CARS2: variants seen among roughly 807,000 people sequenced by gnomAD.
The protein encoded by CARS2 is cysteinyl-tRNA synthetase 2, mitochondrial.
In CARS2, 52 loss-of-function variants were observed where a neutral mutation model predicts 68.8. That is an observed-to-expected ratio of 0.76 (90% confidence interval 0.61 to 0.95). CARS2 has a LOEUF of 0.95. CARS2 is among the 40% of genes least tolerant of loss of function. The pLI, the probability that CARS2 is intolerant of heterozygous loss-of-function variation, is 0.00. For missense variants in CARS2, 780 were observed against 754.2 expected (o/e 1.03, Z -0.40); for synonymous variants, 314 against 303.6 (o/e 1.03, Z -0.36).
chr13:110,684,893 G>T (rs1201002062), intron 5 of CARS2, among the ~76,000 whole-genome samples: 2 of 152,124 alleles, frequency 1.3e-5, no homozygotes, highest in African/African-American at 2.4e-5. Flanking sequence ...AGCCCTTGTG[G>T]AATTGTAACA....
Position 110,705,276 on chromosome 13 carries a change from G to C in CARS2, c.275+245C>G, listed in dbSNP as rs779479513. Among the ~76,000 whole-genome samples, 16 of 152,166 alleles carry C rather than the reference G, an allele frequency of 1.1e-4. No individual in the cohort carries two copies. Among genetic ancestry groups the C allele is most frequent in the Admixed American group, 7.9e-4 (12 of 15,270 alleles). ...CACTAAACCCAGCAAAAAACATCTA[G>C]TTCCAAAACGGGTCATTTTTCAGTG... On this transcript the variant is annotated intron_variant, in intron 2 of 14. Transcript: ENST00000257347. The surrounding 1 kb of genome is among the most constrained non-coding windows in gnomAD (Gnocchi z 4.0).
At chr13:110,686,626 G>A (rs1021016813) in intron 5 of CARS2, among the ~76,000 whole-genome samples, 10 of 151,430 alleles carry the variant, frequency 6.6e-5, no homozygotes, top group Non-Finnish European at 7.4e-5. Flanking sequence ...GTGTGATCTC[G>A]GCTCACTGCA....
intron 9 of CARS2, chr13:110,662,830 C>T (rs550142223): frequency 2.1e-5 from 7 of 329,808 alleles, no homozygotes; most frequent in Admixed American, 1.6e-4. Flanking sequence ...GCTATTTAGG[C>T]GGTGAGATCT....
chr13:110,666,911 A>T, intron 8 of CARS2: 1 of 985,436 alleles, frequency 1.0e-6, no homozygotes, highest in Non-Finnish European at 1.2e-6. Context: ...TGTTGCATCC[A>T]CTTCTGAGAG....
Position 110,665,635 on chromosome 13 carries a change from C to T in CARS2, c.919+1705G>A, listed in dbSNP as rs1324987069. 3 of 985,292 alleles carry T rather than the reference C, an allele frequency of 3.0e-6. No individual in the cohort carries two copies. In the African/African-American group the frequency reaches 5.2e-5, roughly 17 times the overall value. The allele number at this position is 985,292 out of a possible 1,614,324, so 61.0% of individuals were successfully genotyped here. A position where few individuals can be genotyped will look rare whatever the true frequency, so the allele number is the denominator to read the frequency against. ...CATGGTTGTCAGTAACAAACCCTGA[C>T]CTACTGAACAGGATAAACCTGCAGA... On this transcript the variant is annotated intron_variant, in intron 8 of 14. Coordinates refer to ENST00000257347, the MANE Select transcript of CARS2 (RefSeq NM_024537.4). This position sits in a 1 kb window ranked among gnomAD's most constrained non-coding sequence, Gnocchi z 4.3.
intron 8 of CARS2, chr13:110,663,929 G>A: frequency 1.0e-6 from 1 of 998,422 alleles, no homozygotes. Flanking sequence ...TGGCGGTGAA[G>A]CTTGTTGACC....
upstream of CARS2, chr13:110,706,263 C>T (rs1372211529): frequency 2.5e-6 from 1 of 407,988 alleles, no homozygotes; most frequent in African/African-American, 2.1e-5. Context: ...CTCGAGTCGC[C>T]CGCGGCAAGG....
chr13:110,710,935 A>AC (rs2064021708), upstream of CARS2, among the ~76,000 whole-genome samples: 2 of 149,660 alleles, frequency 1.3e-5, no homozygotes, highest in African/African-American at 2.4e-5. Context: ...CTGTGTTGTG[A>AC]TTTTTTTTTT....
intron 9 of CARS2, chr13:110,663,196 C>A: frequency 1.7e-6 from 1 of 583,362 alleles, no homozygotes; most frequent in South Asian, 1.8e-5. Context: ...GGGCGCCGGC[C>A]TTGAAACACG....
chr13:110,707,534 C>T (rs2063988482), upstream of CARS2: 1 of 152,016 alleles, frequency 6.6e-6, no homozygotes, highest in South Asian at 2.1e-4. Flanking sequence ...GTAGTCCCAG[C>T]TACTGGGGAG....
At chr13:110,679,401 G>A (rs1005277399) in intron 6 of CARS2, among the ~76,000 whole-genome samples, 1 of 151,568 alleles carries the variant, frequency 6.6e-6, no homozygotes, top group Non-Finnish European at 1.5e-5. Context: ...GTGGTGGCAG[G>A]TGCCTGTAAT....
At chr13:110,686,264 C>T (rs144521595) in intron 5 of CARS2, among the ~76,000 whole-genome samples, 4,758 of 141,974 alleles carry the variant, frequency 0.034, 272 homozygotes, top group African/African-American at 0.12. Flanking sequence ...TTTTTTGAGA[C>T]AAGGTCTCGC....
intron 10 of CARS2, chr13:110,650,755 G>A (rs754061601): frequency 1.3e-5 from 5 of 375,566 alleles, no homozygotes; most frequent in Middle Eastern, 1.4e-3. Context: ...GCAGGAAGCC[G>A]AGGTGCTGCG....
At chr13:110,696,553 T>C (rs2139903881) in intron 3 of CARS2, among the ~76,000 whole-genome samples, 1 of 152,366 alleles carries the variant, frequency 6.6e-6, no homozygotes, top group South Asian at 2.1e-4. Context: ...ACAGATGTTT[T>C]CATAACTATG....
upstream of CARS2, among the ~76,000 whole-genome samples, chr13:110,710,272 C>T (rs1406771915): frequency 6.6e-6 from 1 of 152,126 alleles, no homozygotes; most frequent in Non-Finnish European, 1.5e-5. Flanking sequence ...ATCCCAGCTA[C>T]TCAGGAGGCT....
At chr13:110,663,727 C>A in intron 8 of CARS2, 1 of 1,329,052 alleles carries the variant, frequency 7.5e-7, no homozygotes, top group Non-Finnish European at 9.6e-7. Context: ...TGCAGGGACA[C>A]CCAGCCCCAC....
At chr13:110,663,339 G>GC in intron 9 of CARS2, 112 bp downstream of exon 9, 4 of 1,074,460 alleles carry the variant, frequency 3.7e-6, no homozygotes, top group Non-Finnish European at 5.4e-6. Flanking sequence ...TAAGAAAGGG[G>GC]CCAGAGGGCA....
At chr13:110,642,816 A>C in intron 13 of CARS2, 1 of 651,408 alleles carries the variant, frequency 1.5e-6, no homozygotes, top group Non-Finnish European at 2.8e-6. Context: ...CTGAACACAA[A>C]CGCTCCCTGG....
chr13:110,646,971 G>C, intron 11 of CARS2, 130 bp downstream of exon 11: 1 of 1,168,990 alleles, frequency 8.6e-7, no homozygotes, highest in African/African-American at 1.5e-5. Flanking sequence ...TCTCTGGGCA[G>C]TCCCTGACCC....
Sources: allele counts gnomAD v4.1 joint callset (sites outside exome capture counted in the v4.1 genomes callset), GRCh38; gene constraint gnomAD v4.1.1; non-coding constraint Gnocchi (gnomAD v3.1); transcripts MANE v1.5; gene names NCBI Gene and HGNC (gene_info 2026-07-23, HGNC 2026-07-21).